MGME1: variants seen among roughly 807,000 people sequenced by gnomAD.
The protein encoded by MGME1 is mitochondrial genome maintenance exonuclease 1, also known as chromosome 20 open reading frame 72.
MGME1 carries 22 observed loss-of-function variants against 33.0 expected under a neutral mutation model. The ratio of observed to expected loss-of-function variants is 0.67; its 90% CI spans 0.48 to 0.95. The LOEUF is 0.95. Among genes scored for constraint, MGME1 ranks in the 40% least tolerant of loss-of-function variants. MGME1 has a pLI of 0.00. For missense variants in MGME1, 383 were observed against 397.8 expected, an observed-to-expected ratio of 0.96 and a Z score of 0.32; for synonymous variants, 133 against 144.0, an observed-to-expected ratio of 0.92 and a Z score of 0.55.
chr20:17,975,455 G>C (rs1280791990), intron 2 of MGME1, among the ~76,000 whole-genome samples: 1 of 151,670 alleles, frequency 6.6e-6, no homozygotes, highest in Non-Finnish European at 1.5e-5. Context: ...TACTCAGGAG[G>C]CTGAGGCAGG....
rs1174783783 is a variant in MGME1, at chr20:17,977,683, T to C, written c.731+1780T>C. On this transcript the variant is annotated intron_variant, in intron 3 of 4. Transcript: ENST00000377710. ...CTTTAAAGCAAAATTAGGAATGCCTTCGTTCTCCAGATATCAGGGTATCTG... is the reference window on the plus strand; with the variant it reads ...CTTTAAAGCAAAATTAGGAATGCCTCCGTTCTCCAGATATCAGGGTATCTG... Among the ~76,000 whole-genome samples, 7 of 152,194 alleles carry C rather than the reference T, an allele frequency of 4.6e-5. 1 individual carries two copies. Among genetic ancestry groups the C allele is most frequent in the South Asian group, 4.1e-4 (2 of 4,834 alleles).
intron 2 of MGME1, among the ~76,000 whole-genome samples, chr20:17,970,985 C>A (rs1568605736): frequency 6.6e-6 from 1 of 152,210 alleles, no homozygotes; most frequent in Admixed American, 6.5e-5. Flanking sequence ...AGACCATTGG[C>A]ACTGGTGAAT....
intron 3 of MGME1, among the ~76,000 whole-genome samples, chr20:17,983,267 T>TTTGTGTGTGTGTG (rs79417227): frequency 0.039 from 5,622 of 142,618 alleles, 124 homozygotes; most frequent in South Asian, 0.095. Context: ...TAGTGTTCTA[T>TTTGTGTGTGTGTG]TGTGTGTGTG....
At chr20:17,982,049 A>G (rs1287817283) in intron 3 of MGME1, among the ~76,000 whole-genome samples, 1 of 152,228 alleles carries the variant, frequency 6.6e-6, no homozygotes, top group East Asian at 1.9e-4. Flanking sequence ...AGTTTTCCAC[A>G]ATTACAAACA....
Position 17,975,831 on chromosome 20 carries a change from G to T in MGME1, c.659G>T (p.Arg220Leu). The change falls in exon 3 of 5, where the codon CGA (arginine) becomes CTA (leucine). Residue 220 changes from arginine to leucine, a missense_variant. Physicochemically the swap from Arg to Leu is moderately radical, Grantham distance 102. Coordinates refer to ENST00000377710, the MANE Select transcript of MGME1 (RefSeq NM_052865.4). The stretch of plus-strand genomic sequence containing the variant: ...ATTCTGAAAGATGTCAGTGGAGTGC[G>T]AGCTCTTGAAAGTGCTGTTCAACAT... ...QHILKDVSGV[R>L]ALESAVQHET... 6.2e-7 allele frequency: 1 copy of T among 1,614,128 alleles called. No homozygotes were observed. Among genetic ancestry groups the T allele is most frequent in the Non-Finnish European group, 8.5e-7 (1 of 1,180,030 alleles).
intron 2 of MGME1, 151 bp downstream of exon 2, chr20:17,970,521 T>G (rs2035700458): frequency 5.5e-6 from 4 of 724,808 alleles, no homozygotes; most frequent in Non-Finnish European, 8.9e-6. Context: ...GCACTTTATG[T>G]GTATTAACTC....
chr20:17,970,640 G>C (rs1336092964), intron 2 of MGME1, among the ~76,000 whole-genome samples: 2 of 152,158 alleles, frequency 1.3e-5, no homozygotes, highest in Non-Finnish European at 2.9e-5. Context: ...AAATTCACTT[G>C]TTTTATAAGC....
rs1263699657 is a variant in MGME1 at position 17,975,919 on chromosome 20, G to A, written c.731+16G>A. ...CTGAGTATCAGTAAGTATGAGATTG[G>A]AGGTGAATTAATACAGCGTAGGACA... On this transcript the variant is annotated intron_variant, in intron 3 of 4. Coordinates refer to ENST00000377710, the MANE Select transcript of MGME1 (RefSeq NM_052865.4). 6.3e-7 allele frequency: 1 copy of A among 1,588,398 alleles called. No homozygotes were observed. Among genetic ancestry groups the A allele is most frequent in the South Asian group, 1.1e-5 (1 of 90,542 alleles).
rs1192537115 is a variant in MGME1 at position 17,990,072 on chromosome 20, A to T, written c.998A>T (p.Lys333Met). Reference sequence around the variant, plus strand: ...CTAGAAGAATATACGGAAAAGAAAAAGAACCAGAATATTCAGAAACCAGAA... The same window carrying T: ...CTAGAAGAATATACGGAAAAGAAAATGAACCAGAATATTCAGAAACCAGAA... Reference protein sequence around the residue: ...LRLEEYTEKKKNQNIQKPEYS... With the variant: ...LRLEEYTEKKMNQNIQKPEYS... The change falls in exon 5 of 5, where the codon AAG becomes ATG. Residue 333 changes from lysine (K) to methionine (M), a missense_variant. Physicochemically the swap from Lys to Met is moderately conservative, Grantham distance 95. Transcript: ENST00000377710. The T allele has an allele frequency of 2.5e-6, 4 of 1,614,032 alleles. No individual in the cohort carries two copies. The highest frequency in any genetic ancestry group is 1.3e-5 in the African/African-American group (1 of 74,916).
In MGME1 at chr20:17,989,481, G is replaced by A. The variant is rs536306966; in HGVS notation, c.865-458G>A. On this transcript the variant is annotated intron_variant, in intron 4 of 4. Coordinates refer to ENST00000377710, the MANE Select transcript of MGME1 (RefSeq NM_052865.4). ...TAATCCCAGCACTTTGAAGGAGGCC[G>A]AGGTGGGCAGATTGCTTGAGCCCAG... Among the ~76,000 whole-genome samples the A allele has an allele frequency of 2.0e-5, 3 of 152,054 alleles. No individual in the cohort carries two copies. In the East Asian group the frequency reaches 5.8e-4, roughly 29 times the overall value.
intron 3 of MGME1, among the ~76,000 whole-genome samples, chr20:17,979,748 T>C (rs2035959409): frequency 6.6e-6 from 1 of 151,878 alleles, no homozygotes; most frequent in Non-Finnish European, 1.5e-5. Context: ...AGTTTATTTT[T>C]TTGAGGCAGT....
At chr20:17,985,832 A>G (rs1484087995) in intron 3 of MGME1, among the ~76,000 whole-genome samples, 1 of 152,134 alleles carries the variant, frequency 6.6e-6, no homozygotes, top group African/African-American at 2.4e-5. Context: ...AGGCTATCCT[A>G]CCTAGGTTTG....
intron 3 of MGME1, among the ~76,000 whole-genome samples, chr20:17,976,807 A>G (rs763925711): frequency 2.0e-5 from 3 of 152,156 alleles, no homozygotes; most frequent in Admixed American, 6.5e-5. Context: ...GATTACAGGC[A>G]TGCGCCACCA....
chr20:17,972,453 T>C (rs77324755), intron 2 of MGME1, among the ~76,000 whole-genome samples: 1 of 151,542 alleles, frequency 6.6e-6, no homozygotes, highest in Non-Finnish European at 1.5e-5. Context: ...TTTTTTTTTT[T>C]TTGCTACGCT....
Position 17,978,603 on chromosome 20 carries a change from C to T in MGME1, c.731+2700C>T, listed in dbSNP as rs187455366. On this transcript the variant is annotated intron_variant, in intron 3 of 4. Transcript: ENST00000377710. The stretch of plus-strand genomic sequence containing the variant: ...GACTTTGGTTGCCTTTTAGATAAAC[C>T]AAGGAAGCCATACAGTCACCTCCAC... Among the ~76,000 whole-genome samples, 4 of 152,070 alleles carry T rather than the reference C, an allele frequency of 2.6e-5. No homozygotes were observed. The East Asian group carries it at 5.8e-4, about 22-fold the overall frequency.
At chr20:17,976,649 T>G (rs1391954326) in intron 3 of MGME1, among the ~76,000 whole-genome samples, 1 of 151,960 alleles carries the variant, frequency 6.6e-6, no homozygotes, top group African/African-American at 2.4e-5. Context: ...CCATGGTTGT[T>G]TTGTTTTGTT....
intron 2 of MGME1, among the ~76,000 whole-genome samples, chr20:17,974,169 A>G (rs2035802421): frequency 6.7e-6 from 1 of 149,820 alleles, no homozygotes; most frequent in Admixed American, 6.8e-5. Flanking sequence ...GGTTCAAGCA[A>G]TTCTCCTGCC....
At chr20:17,984,194 T>G (rs936671614) in intron 3 of MGME1, among the ~76,000 whole-genome samples, 1 of 152,198 alleles carries the variant, frequency 6.6e-6, no homozygotes. Flanking sequence ...GTACCTTTAT[T>G]GAAAATCAAT....
chr20:17,989,820 G>A (rs1276945200), intron 4 of MGME1, 119 bp from the exon 5 acceptor site: 44 of 869,150 alleles, frequency 5.1e-5, no homozygotes, highest in Non-Finnish European at 7.2e-5. Context: ...CTTAGAAACT[G>A]AGTTAGGAGA....
Sources: allele counts gnomAD v4.1 joint callset (sites outside exome capture counted in the v4.1 genomes callset), GRCh38; gene constraint gnomAD v4.1.1; transcripts MANE v1.5; gene names NCBI Gene and HGNC (gene_info 2026-07-23, HGNC 2026-07-21).